The following RAPGEF6 variants were observed in gnomAD, a reference collection of about 807,000 sequenced individuals.
The protein encoded by RAPGEF6 is PDZ domain containing guanine nucleotide exchange factor (GEF) 2.
In RAPGEF6, 56 loss-of-function variants were observed where a neutral mutation model predicts 171.4. The ratio of observed to expected loss-of-function variants is 0.33; its 90% CI spans 0.26 to 0.41. The LOEUF is 0.41. Among genes scored for constraint, RAPGEF6 ranks in the 10% least tolerant of loss-of-function variants. RAPGEF6 has a pLI of 1.00. For missense variants in RAPGEF6, 1,674 were observed against 1,921.4 expected, an observed-to-expected ratio of 0.87 and a Z score of 2.41; for synonymous variants, 692 against 650.1, an observed-to-expected ratio of 1.06 and a Z score of -0.98.
At chr5:131,556,418 T>G (rs10069705) in intron 5 of RAPGEF6, among the ~76,000 whole-genome samples, 11,230 of 151,706 alleles carry the variant, frequency 0.074, 851 homozygotes, top group African/African-American at 0.2. Context: ...AAAATAATAA[T>G]AAGAAGAAGA....
chr5:131,581,968 C>T (rs1762994928), intron 4 of RAPGEF6, among the ~76,000 whole-genome samples: 1 of 152,176 alleles, frequency 6.6e-6, no homozygotes, highest in African/African-American at 2.4e-5. Flanking sequence ...CCTCCCAGCC[C>T]TTGAGAATGT....
At position 131,472,666 on chromosome 5, in the gene RAPGEF6, G is replaced by A; in HGVS notation, c.2160C>T (p.Pro720=). 1.9e-6 allele frequency: 3 copies of A among 1,613,152 alleles called. No individual in the cohort carries two copies. The highest frequency in any genetic ancestry group is 2.5e-6 in the Non-Finnish European group (3 of 1,179,080). Residue 720 remains proline, a synonymous_variant, in exon 17 of 28, where the codon CCC becomes CCT. Coordinates refer to ENST00000509018, the MANE Select transcript of RAPGEF6 (RefSeq NM_016340.6). The stretch of plus-strand genomic sequence containing the variant: ...TGCTGGATGAGAGTGTTCCAGGGAT[G>A]GGCATTATAGCCAGACTATGCCTAC... ...RHCRHSLAIM[P]IPGTLSSSSP... is the part of the protein sequence containing the mutation.
At chr5:131,564,198 G>A (rs1194209620) in intron 4 of RAPGEF6, among the ~76,000 whole-genome samples, 1 of 152,216 alleles carries the variant, frequency 6.6e-6, no homozygotes, top group African/African-American at 2.4e-5. Flanking sequence ...TTGCAAGGCA[G>A]TGTTCCTGAA....
intron 4 of RAPGEF6, among the ~76,000 whole-genome samples, chr5:131,590,328 C>T (rs1019431791): frequency 7.2e-5 from 11 of 152,118 alleles, no homozygotes; most frequent in Admixed American, 2.6e-4. Flanking sequence ...ACCCAGAAGG[C>T]GCAGGTTGCA....
chr5:131,442,036 C>T (rs920147917), intron 23 of RAPGEF6, among the ~76,000 whole-genome samples: 16 of 152,102 alleles, frequency 1.1e-4, no homozygotes, highest in African/African-American at 3.9e-4. Flanking sequence ...TTGTAGGTTG[C>T]ATCTGTATTG....
rs763789743 is a variant in RAPGEF6, at chr5:131,439,684, T to C, written c.3642A>G (p.Thr1214=). ...GCTTCTTACCACTTATTTCTTCAGT[T>C]GTTCCTAAAACTTTCTGAGGTAAAC... ...NTSLPQKVLG[T]TEEISGKKHT... is the part of the protein sequence containing the mutation. Residue 1214 remains threonine, a synonymous_variant, in exon 24 of 28, where the codon ACA becomes ACG. Transcript: ENST00000509018. 1.8e-4 allele frequency: 296 copies of C among 1,612,300 alleles called. No homozygotes were observed. The highest frequency in any genetic ancestry group is 2.5e-4 in the Non-Finnish European group (294 of 1,179,608).
At chr5:131,549,768 G>A (rs182687909) in intron 5 of RAPGEF6, among the ~76,000 whole-genome samples, 209 of 151,846 alleles carry the variant, frequency 1.4e-3, no homozygotes, top group Non-Finnish European at 1.8e-3. Flanking sequence ...GGTTTATTAC[G>A]CAGGTAAACT....
Position 131,594,445 on chromosome 5 carries a change from T to C in RAPGEF6, c.198-1979A>G, listed in dbSNP as rs117392839. ...TGGATGTCCAGGAAGAAGTGTGCTGTAGAGGCAGAGCCCTCATGGAGAACC... is the reference window on the plus strand; with the variant it reads ...TGGATGTCCAGGAAGAAGTGTGCTGCAGAGGCAGAGCCCTCATGGAGAACC... On this transcript the variant is annotated intron_variant, in intron 3 of 27. Coordinates refer to ENST00000509018, the MANE Select transcript of RAPGEF6 (RefSeq NM_016340.6). 1.8e-3 allele frequency among the ~76,000 whole-genome samples: 274 copies of C among 152,304 alleles called. 3 individuals carry two copies. In the East Asian group the frequency reaches 0.021, roughly 12 times the overall value.
intron 6 of RAPGEF6, among the ~76,000 whole-genome samples, chr5:131,525,848 A>G (rs1451101539): frequency 1.3e-5 from 2 of 152,210 alleles, no homozygotes; most frequent in African/African-American, 2.4e-5. Context: ...AACCAAAGCC[A>G]GAAGTCTCCC....
chr5:131,541,418 C>A (rs1159604199), intron 6 of RAPGEF6, among the ~76,000 whole-genome samples: 1 of 152,106 alleles, frequency 6.6e-6, no homozygotes, highest in African/African-American at 2.4e-5. Context: ...TAGGGACCTC[C>A]AAACATAATG....
intron 15 of RAPGEF6, among the ~76,000 whole-genome samples, chr5:131,481,333 C>A (rs1032508505): frequency 4.0e-5 from 6 of 151,868 alleles, no homozygotes; most frequent in African/African-American, 1.5e-4. Flanking sequence ...CTCAGGTGAT[C>A]CTCCCACCTC....
intron 5 of RAPGEF6, among the ~76,000 whole-genome samples, chr5:131,548,787 C>T (rs969293175): frequency 4.6e-5 from 7 of 152,154 alleles, no homozygotes; most frequent in African/African-American, 1.7e-4. Context: ...ATTACTGTCT[C>T]TACTTTGTAG....
At chr5:131,598,028 T>C (rs867704746) in intron 3 of RAPGEF6, among the ~76,000 whole-genome samples, 1 of 152,062 alleles carries the variant, frequency 6.6e-6, no homozygotes, top group Non-Finnish European at 1.5e-5. Flanking sequence ...AGTATCAACA[T>C]TGCTGGAAAT....
At chr5:131,626,037 TAA>T (rs1765907308) in intron 1 of RAPGEF6, among the ~76,000 whole-genome samples, 1 of 152,192 alleles carries the variant, frequency 6.6e-6, no homozygotes, top group Non-Finnish European at 1.5e-5. Flanking sequence ...TTCCAGGCTT[TAA>T]ACCCTGCAAC....
At position 131,431,286 on chromosome 5, in the gene RAPGEF6, TTCA is replaced by T. The variant is rs1357891341; in HGVS notation, c.4035_4037del (p.Asn1345_Glu1346delinsLys). ...TAATGATATGCTCTTGAGAAATCTC[TTCA>T]TTGCTCACAGACGATGAGACAGCTA... On this transcript the variant is annotated inframe_deletion, in exon 26 of 28. Coordinates refer to ENST00000509018, the MANE Select transcript of RAPGEF6 (RefSeq NM_016340.6). The T allele has an allele frequency of 3.1e-6, 5 of 1,613,952 alleles. No individual in the cohort carries two copies. The highest frequency in any genetic ancestry group is 4.2e-6 in the Non-Finnish European group (5 of 1,179,882).
chr5:131,446,416 T>C (rs1752693116), intron 22 of RAPGEF6, 67 bp downstream of exon 22: 1 of 1,428,528 alleles, frequency 7.0e-7, no homozygotes, highest in Non-Finnish European at 9.5e-7. Flanking sequence ...TTAGGTATAA[T>C]TCTAGAGAAA....
intron 24 of RAPGEF6, 70 bp downstream of exon 24, chr5:131,439,511 G>C: frequency 6.7e-7 from 1 of 1,494,156 alleles, no homozygotes; most frequent in Non-Finnish European, 8.9e-7. Flanking sequence ...GCTATAGATT[G>C]AAAAGCAAAA....
At chr5:131,548,736 A>C (rs1760715272) in intron 5 of RAPGEF6, among the ~76,000 whole-genome samples, 1 of 152,228 alleles carries the variant, frequency 6.6e-6, no homozygotes, top group Admixed American at 6.5e-5. Context: ...GCATGCATAT[A>C]TATTAAGTAG....
At chr5:131,620,588 TTTTTC>T (rs887151566) in intron 1 of RAPGEF6, among the ~76,000 whole-genome samples, 3 of 152,100 alleles carry the variant, frequency 2.0e-5, no homozygotes, top group African/African-American at 4.8e-5. Context: ...CATTCTTTTT[TTTTTC>T]TTTTCTTTTT....
Sources: allele counts gnomAD v4.1 joint callset (sites outside exome capture counted in the v4.1 genomes callset), GRCh38; gene constraint gnomAD v4.1.1; transcripts MANE v1.5; gene names NCBI Gene and HGNC (gene_info 2026-07-23, HGNC 2026-07-21).